Variants in CPLX1 observed in about 807,000 individuals in gnomAD.
CPLX1 encodes the protein complexin 1.
Under a neutral mutation model 15.6 loss-of-function variants are expected in CPLX1, and 6 were observed. The observed-to-expected ratio is 0.39, with a 90% CI of 0.21 to 0.76. The LOEUF (loss-of-function observed/expected upper bound fraction) is 0.76. Ranked by LOEUF, CPLX1 falls within the 30% of genes least tolerant of loss-of-function variation. The probability of loss-of-function intolerance (pLI) is 0.43; values close to 1 mark genes in which losing one functional copy is unlikely to be tolerated. For missense variants in CPLX1, 242 were observed against 188.6 expected, an observed-to-expected ratio of 1.28 and a Z score of -1.66; for synonymous variants, 91 against 75.2, an observed-to-expected ratio of 1.21 and a Z score of -1.08.
chr4:803,566 A>AT (rs370509722), intron 2 of CPLX1, among the ~76,000 whole-genome samples: 9,626 of 132,284 alleles, frequency 0.073, 959 homozygotes, highest in African/African-American at 0.25. Flanking sequence ...AATTTTTTGT[A>AT]TTTTTTTTTT....
intron 3 of CPLX1, among the ~76,000 whole-genome samples, chr4:790,559 T>A (rs1407461098): frequency 6.6e-6 from 1 of 152,134 alleles, no homozygotes; most frequent in Non-Finnish European, 1.5e-5. Flanking sequence ...CCCCACCTCC[T>A]TGGGGTCCCC....
intron 3 of CPLX1, chr4:786,911 C>T (rs1746011712): frequency 2.0e-6 from 2 of 981,404 alleles, no homozygotes; most frequent in South Asian, 4.7e-5. Flanking sequence ...GGGCCAGGAG[C>T]TGACATGGGG....
chr4:788,466 C>T (rs77684775), intron 3 of CPLX1: 58,472 of 985,406 alleles, frequency 0.059, 2,050 homozygotes, highest in South Asian at 0.15. Flanking sequence ...TCCTCAGCAG[C>T]CCCTGCGCAC....
At chr4:806,564 GCTT>G (rs1246553150) in intron 2 of CPLX1, among the ~76,000 whole-genome samples, 9 of 151,710 alleles carry the variant, frequency 5.9e-5, no homozygotes, top group Admixed American at 5.9e-4. Context: ...TAATTAAAGA[GCTT>G]CTGCATAGCA....
chr4:804,865 G>T (rs1362518513), intron 2 of CPLX1: 1 of 933,064 alleles, frequency 1.1e-6, no homozygotes, highest in South Asian at 5.0e-5. Context: ...CACGGGAAAG[G>T]TGGGCGGCGG....
intron 2 of CPLX1, among the ~76,000 whole-genome samples, chr4:799,163 G>A (rs1746404353): frequency 1.3e-5 from 2 of 152,186 alleles, no homozygotes; most frequent in African/African-American, 2.4e-5. Flanking sequence ...ACTTCCTGTT[G>A]GTGAGTCATA....
chr4:821,022 C>G (rs988522372), intron 2 of CPLX1, among the ~76,000 whole-genome samples: 5 of 152,180 alleles, frequency 3.3e-5, no homozygotes, highest in Non-Finnish European at 7.4e-5. Flanking sequence ...ACGCCAAACC[C>G]AGGACCGCAC....
chr4:822,315 C>A (rs577404845), intron 2 of CPLX1, among the ~76,000 whole-genome samples: 3 of 151,732 alleles, frequency 2.0e-5, no homozygotes, highest in African/African-American at 7.3e-5. Flanking sequence ...ATCCCTCTGT[C>A]TCTCCCTCTG....
At position 824,568 on chromosome 4, in the gene CPLX1, CA is replaced by C; in HGVS notation, c.-47del. 6.2e-7 allele frequency: 1 copy of C among 1,606,016 alleles called. No individual in the cohort carries two copies. Among genetic ancestry groups the C allele is most frequent in the Non-Finnish European group, 8.5e-7 (1 of 1,173,632 alleles). On this transcript the variant is annotated 5_prime_UTR_variant, in exon 2 of 4. Transcript: ENST00000304062. ...AGTGGCTCCTCCAGGGGTCAGAACT[CA>C]CACGCAAGTATGGCCGGGAGCGAGT...
chr4:795,127 C>A (rs181579010), intron 2 of CPLX1, among the ~76,000 whole-genome samples: 1 of 150,888 alleles, frequency 6.6e-6, no homozygotes, highest in East Asian at 1.9e-4. Context: ...GCCGCCCACG[C>A]CCCCCCGCTT....
chr4:807,476 A>ATT (rs146977081), intron 2 of CPLX1, among the ~76,000 whole-genome samples: 2 of 145,378 alleles, frequency 1.4e-5, no homozygotes, highest in African/African-American at 2.5e-5. Flanking sequence ...CCGGAACTTA[A>ATT]TTTTTTTTTT....
chr4:820,851 C>T (rs571944538), intron 2 of CPLX1, among the ~76,000 whole-genome samples: 30 of 152,216 alleles, frequency 2.0e-4, no homozygotes, highest in African/African-American at 6.7e-4. Context: ...ACCGGTGGCC[C>T]CCACAAGCCC....
At chr4:794,241 C>G (rs1199209337) in intron 2 of CPLX1, among the ~76,000 whole-genome samples, 1 of 152,244 alleles carries the variant, frequency 6.6e-6, no homozygotes, top group Non-Finnish European at 1.5e-5. Flanking sequence ...ATGCCTGCAT[C>G]CTGCAGGCGC....
chr4:813,709 C>T (rs1431275520), intron 2 of CPLX1, among the ~76,000 whole-genome samples: 1 of 152,154 alleles, frequency 6.6e-6, no homozygotes, highest in Non-Finnish European at 1.5e-5. Flanking sequence ...CAGTCCACTG[C>T]CCTGCTCATA....
intron 3 of CPLX1, 133 bp downstream of exon 3, chr4:792,300 A>G: frequency 1.6e-6 from 1 of 626,882 alleles, no homozygotes; most frequent in Non-Finnish European, 2.5e-6. Flanking sequence ...CGCCACTCTG[A>G]AGCCCCCAAA....
chr4:811,673 T>C (rs1283740966), intron 2 of CPLX1, among the ~76,000 whole-genome samples: 1 of 152,234 alleles, frequency 6.6e-6, no homozygotes, highest in African/African-American at 2.4e-5. Context: ...CATGTGTGCC[T>C]GAAAAGAAGA....
intron 2 of CPLX1, among the ~76,000 whole-genome samples, chr4:816,591 A>G (rs1017136262): frequency 1.3e-5 from 2 of 152,090 alleles, no homozygotes; most frequent in African/African-American, 4.8e-5. Context: ...TGATTTTCTC[A>G]TATCACTTCT....
At chr4:815,280 AG>A (rs1278465331) in intron 2 of CPLX1, among the ~76,000 whole-genome samples, 1 of 151,968 alleles carries the variant, frequency 6.6e-6, no homozygotes, top group African/African-American at 2.4e-5. Context: ...TCATGGTGGC[AG>A]GTGCCTGTAA....
intron 2 of CPLX1, chr4:804,972 GC>G: frequency 1.0e-6 from 1 of 980,940 alleles, no homozygotes; most frequent in Non-Finnish European, 1.2e-6. Flanking sequence ...CTGCGCGGCG[GC>G]CGGCTAGGGC....
Sources: gnomAD v4.1 joint callset for allele counts (sites outside exome capture counted in the v4.1 genomes callset) on GRCh38, gnomAD v4.1.1 for gene constraint, MANE v1.5 for transcripts, NCBI Gene and HGNC (gene_info 2026-07-23, HGNC 2026-07-21) for gene names.